The following CHN1 variants were observed in gnomAD, a reference collection of about 807,000 sequenced individuals.
The protein encoded by CHN1 is chimerin 1, also known as N-chimaerin.
Under a neutral mutation model 59.5 loss-of-function variants are expected in CHN1, and 37 were observed. The observed-to-expected ratio is 0.62, with a 90% CI of 0.48 to 0.82. The LOEUF is 0.82. Ranked by LOEUF, CHN1 falls within the 40% of genes least tolerant of loss-of-function variation. The pLI is 0.00. For synonymous variants in CHN1, 206 were observed against 200.4 expected (o/e 1.03, Z -0.24); for missense variants, 469 against 571.0 (o/e 0.82, Z 1.82).
intron 6 of CHN1, among the ~76,000 whole-genome samples, chr2:174,867,665 G>A (rs1687267398): frequency 1.3e-5 from 2 of 151,910 alleles, no homozygotes; most frequent in Admixed American, 6.6e-5. Context: ...AAAATTAAAG[G>A]ACTAGCTAAA....
chr2:174,814,815 G>A (rs1273946648), intron 8 of CHN1, among the ~76,000 whole-genome samples: 7 of 152,282 alleles, frequency 4.6e-5, no homozygotes, highest in East Asian at 1.9e-4. Flanking sequence ...GCCAGGTCCC[G>A]AAAAGGAATT....
chr2:174,976,126 C>CA lies in CHN1; in HGVS notation c.20-23925dup, dbSNP rs71031078. ...GGGCCAACAGGGCAAGACTCCGTCTCAAAAAAAAAAAAAAAAAAAAAAAAA... is the reference window on the plus strand; with the variant it reads ...GGGCCAACAGGGCAAGACTCCGTCTCAAAAAAAAAAAAAAAAAAAAAAAAAA... On this transcript the variant is annotated intron_variant, in intron 1 of 12. Coordinates refer to ENST00000409900, the MANE Select transcript of CHN1 (RefSeq NM_001822.7). 5.8e-3 allele frequency among the ~76,000 whole-genome samples: 293 copies of CA among 50,186 alleles called. 28 individuals are homozygous for CA. The highest frequency in any genetic ancestry group is 0.01 in the African/African-American group (117 of 11,238). 32.9% of individuals were successfully genotyped at this position (50,186 alleles called of 152,430 possible). A position where few individuals can be genotyped will look rare whatever the true frequency, so the allele number is the denominator to read the frequency against.
Position 174,800,128 on chromosome 2 carries a change from GTCT to G in CHN1, c.1365_1367del (p.Glu455del). The G allele has an allele frequency of 6.4e-7, 1 of 1,572,886 alleles. No individual in the cohort carries two copies. The highest frequency in any genetic ancestry group is 8.6e-7 in the Non-Finnish European group (1 of 1,161,988). On this transcript the variant is annotated inframe_deletion, in exon 13 of 13. Transcript: ENST00000409900. ...TCAAATTAAAAATTTAAAATAAAATGTCTTCGTTTTTGATAAGCAGCTCCACCA... is the reference window on the plus strand; with the variant it reads ...TCAAATTAAAAATTTAAAATAAAATGTCGTTTTTGATAAGCAGCTCCACCA...
intron 1 of CHN1, among the ~76,000 whole-genome samples, chr2:174,981,217 T>C (rs1691137457): frequency 6.6e-6 from 1 of 152,120 alleles, no homozygotes; most frequent in Admixed American, 6.5e-5. Flanking sequence ...AAAATAATAT[T>C]GATGTAGACA....
At chr2:174,884,836 G>T (rs908021817) in intron 5 of CHN1, among the ~76,000 whole-genome samples, 1 of 151,982 alleles carries the variant, frequency 6.6e-6, no homozygotes, top group Non-Finnish European at 1.5e-5. Flanking sequence ...CTTAAGAATC[G>T]GTTATTAGTT....
intron 6 of CHN1, among the ~76,000 whole-genome samples, chr2:174,867,485 A>T (rs958536692): frequency 8.5e-5 from 13 of 152,300 alleles, no homozygotes; most frequent in South Asian, 6.2e-4. Flanking sequence ...TCCTGGCAAG[A>T]AGAGTTTCTC....
intron 7 of CHN1, among the ~76,000 whole-genome samples, chr2:174,843,880 C>T (rs888902559): frequency 6.6e-6 from 1 of 151,848 alleles, no homozygotes; most frequent in Non-Finnish European, 1.5e-5. Context: ...ATCATTTTAC[C>T]CAGAAAGCCT....
chr2:174,964,944 G>A (rs1690547303), intron 1 of CHN1, among the ~76,000 whole-genome samples: 1 of 151,916 alleles, frequency 6.6e-6, no homozygotes, highest in Non-Finnish European at 1.5e-5. Flanking sequence ...CTTTTGTGCT[G>A]CTTTTTCTCT....
At chr2:174,811,046 T>C (rs1409392905) in intron 10 of CHN1, 1 of 152,632 alleles carries the variant, frequency 6.6e-6, no homozygotes, top group African/African-American at 2.4e-5. Context: ...CCCTAAAGCT[T>C]CTTTCAGCTT....
intron 5 of CHN1, among the ~76,000 whole-genome samples, chr2:174,881,058 A>G (rs957651252): frequency 6.6e-6 from 1 of 151,918 alleles, no homozygotes; most frequent in Non-Finnish European, 1.5e-5. Context: ...AAAAAAAAAA[A>G]AAAAGTCCGT....
chr2:174,824,318 CA>C, intron 8 of CHN1, 115 bp downstream of exon 8: 1 of 676,624 alleles, frequency 1.5e-6, no homozygotes, highest in Non-Finnish European at 2.4e-6. Context: ...ACTGCATGTG[CA>C]TAAGACCAAA....
At chr2:174,805,739 A>G (rs1208465260) in intron 11 of CHN1, among the ~76,000 whole-genome samples, 1 of 152,228 alleles carries the variant, frequency 6.6e-6, no homozygotes, top group Admixed American at 6.5e-5. Flanking sequence ...CAGTATGTCT[A>G]GTTAATTTTA....
At position 174,885,998 on chromosome 2, in the gene CHN1, G is replaced by A. The variant is rs1164239895; in HGVS notation, c.261-7870C>T. Among the ~76,000 whole-genome samples, 4 of 152,200 alleles carry A rather than the reference G, an allele frequency of 2.6e-5. No homozygotes were observed. In the East Asian group the frequency reaches 7.7e-4, roughly 29 times the overall value. The stretch of plus-strand genomic sequence containing the variant: ...ATAGACTTGGCATATTCAAGAGTTG[G>A]TGATCAGTCCCATTAAAAGCTAATT... On this transcript the variant is annotated intron_variant, in intron 5 of 12. Transcript: ENST00000409900.
chr2:174,800,581 G>C (rs1684688192), intron 12 of CHN1, among the ~76,000 whole-genome samples: 2 of 152,214 alleles, frequency 1.3e-5, no homozygotes, highest in Admixed American at 6.5e-5. Flanking sequence ...ACAGCCTATA[G>C]TTCTAAACCT....
In CHN1 at chr2:174,929,612, T is replaced by C. The variant is rs931744703; in HGVS notation, c.115-11047A>G. Among the ~76,000 whole-genome samples, 9 of 152,098 alleles carry C rather than the reference T, an allele frequency of 5.9e-5. No individual in the cohort carries two copies. In the East Asian group the frequency reaches 1.3e-3, roughly 23 times the overall value. ...AAGGAAAAATATTTGAGAAAACCCT[T>C]TGCGAAAAACTCAGCTTCTTAAGAT... On this transcript the variant is annotated intron_variant, in intron 3 of 12. Transcript: ENST00000409900.
chr2:174,952,515 T>C (rs77773388), intron 1 of CHN1, among the ~76,000 whole-genome samples: 6,431 of 152,282 alleles, frequency 0.042, 479 homozygotes, highest in African/African-American at 0.15. Context: ...GCTTTGTTTC[T>C]TTGGGCTTAA....
chr2:174,886,004 A>G (rs1687882700), intron 5 of CHN1, among the ~76,000 whole-genome samples: 1 of 152,244 alleles, frequency 6.6e-6, no homozygotes, highest in Non-Finnish European at 1.5e-5. Context: ...GTTGGTGATC[A>G]GTCCCATTAA....
At chr2:174,950,868 C>G (rs2105411706) in intron 2 of CHN1, among the ~76,000 whole-genome samples, 1 of 151,394 alleles carries the variant, frequency 6.6e-6, no homozygotes, top group East Asian at 1.9e-4. Context: ...CAACCTCTGC[C>G]TCCCTGGTTC....
At chr2:174,858,386 CTTTTA>C (rs1216241144) in intron 6 of CHN1, among the ~76,000 whole-genome samples, 1 of 152,002 alleles carries the variant, frequency 6.6e-6, no homozygotes, top group Admixed American at 6.6e-5. Flanking sequence ...TGAAAATTTG[CTTTTA>C]TTTTGAAAAT....
Sources: allele counts gnomAD v4.1 joint callset (sites outside exome capture counted in the v4.1 genomes callset), GRCh38; gene constraint gnomAD v4.1.1; transcripts MANE v1.5; gene names NCBI Gene and HGNC (gene_info 2026-07-23, HGNC 2026-07-21).